COL22A1: variants seen among roughly 807,000 people sequenced by gnomAD.
The protein encoded by COL22A1 is collagen alpha-1(XXII) chain.
In COL22A1, 221 loss-of-function variants were observed where a neutral mutation model predicts 248.9. The ratio of observed to expected loss-of-function variants is 0.89; its 90% CI spans 0.80 to 0.99. The LOEUF is 0.99. Among genes scored for constraint, COL22A1 ranks in the 50% least tolerant of loss-of-function variants. The pLI, the probability that COL22A1 is intolerant of heterozygous loss-of-function variation, is 0.00. For missense variants in COL22A1, 2,240 were observed against 2,179.0 expected (o/e 1.03, Z -0.56); for synonymous variants, 891 against 793.4 (o/e 1.12, Z -2.07).
chr8:138,674,237 G>A (rs140010543), intron 41 of COL22A1, among the ~76,000 whole-genome samples: 2 of 152,084 alleles, frequency 1.3e-5, no homozygotes, highest in African/African-American at 4.8e-5. Flanking sequence ...ATGCTTTGAG[G>A]CCCAGCACAA....
chr8:138,792,518 C>T (rs576237282), intron 12 of COL22A1, among the ~76,000 whole-genome samples: 1 of 152,314 alleles, frequency 6.6e-6, no homozygotes. Context: ...TGCTTACATC[C>T]TTGGGCCCAG....
intron 7 of COL22A1, among the ~76,000 whole-genome samples, chr8:138,814,580 C>T (rs1376949337): frequency 6.6e-6 from 1 of 152,190 alleles, no homozygotes; most frequent in South Asian, 2.1e-4. Context: ...CTCCATTCCA[C>T]AGCTCACAAG....
intron 50 of COL22A1, among the ~76,000 whole-genome samples, chr8:138,627,598 A>C (rs893048413): frequency 6.6e-6 from 1 of 152,168 alleles, no homozygotes; most frequent in African/African-American, 2.4e-5. Context: ...AATCAATTCC[A>C]TTGGCAGAGA....
intron 30 of COL22A1, among the ~76,000 whole-genome samples, chr8:138,704,612 C>A (rs531912491): frequency 5.9e-5 from 9 of 152,302 alleles, no homozygotes; most frequent in African/African-American, 1.9e-4. Flanking sequence ...TCCACACCAA[C>A]CCCATCTGTA....
At chr8:138,826,462 T>A (rs754210623) in intron 6 of COL22A1, among the ~76,000 whole-genome samples, 196 bp downstream of exon 6, 3 of 152,156 alleles carry the variant, frequency 2.0e-5, no homozygotes, top group Non-Finnish European at 2.9e-5. Context: ...TACATTATCA[T>A]TAGGACAAGA....
chr8:138,592,485 T>C (rs66873922), intron 63 of COL22A1, among the ~76,000 whole-genome samples: 12,608 of 152,300 alleles, frequency 0.083, 576 homozygotes, highest in South Asian at 0.16. Context: ...TGCTTTCTTA[T>C]TGACATTTAT....
chr8:138,783,682 C>T (rs1392796586), intron 12 of COL22A1, among the ~76,000 whole-genome samples: 2 of 152,146 alleles, frequency 1.3e-5, no homozygotes, highest in African/African-American at 4.8e-5. Context: ...GGGTATTAAC[C>T]ATCACACACG....
At chr8:138,692,880 C>T (rs976171029) in intron 35 of COL22A1, among the ~76,000 whole-genome samples, 1 of 152,116 alleles carries the variant, frequency 6.6e-6, no homozygotes, top group Non-Finnish European at 1.5e-5. Flanking sequence ...CTTGGCAGAC[C>T]CAGTTCCAAC....
chr8:138,811,711 CT>C (rs1818243336), intron 9 of COL22A1, 87 bp downstream of exon 9: 4 of 1,526,018 alleles, frequency 2.6e-6, no homozygotes, highest in South Asian at 2.3e-5. Context: ...TGGTGCCCCC[CT>C]GACCTGAAAG....
chr8:138,800,142 C>T (rs368077841), intron 11 of COL22A1, among the ~76,000 whole-genome samples: 34 of 152,288 alleles, frequency 2.2e-4, no homozygotes, highest in African/African-American at 7.9e-4. Flanking sequence ...TCTCTTGGAA[C>T]GGTGCCCTGG....
At chr8:138,701,597 G>A (rs1827980096) in intron 31 of COL22A1, among the ~76,000 whole-genome samples, 1 of 152,156 alleles carries the variant, frequency 6.6e-6, no homozygotes, top group Non-Finnish European at 1.5e-5. Context: ...TATACAAATA[G>A]TAACAGCGAC....
Position 138,716,267 on chromosome 8 carries a change from G to GCC in COL22A1, c.2421_2422dup (p.Ala808GlyfsTer8). 6.3e-7 allele frequency: 1 copy of GCC among 1,592,816 alleles called. No individual in the cohort carries two copies. The highest frequency in any genetic ancestry group is 8.6e-7 in the Non-Finnish European group (1 of 1,167,960). ...TCCTCTCACACCTGGGAAGCCTGGA[G>GCC]CCCCTGGGAGGCCTGCTTCTCCCTG... On this transcript the variant is annotated frameshift_variant, in exon 29 of 65. Transcript: ENST00000303045. LOFTEE classifies it high-confidence loss of function.
intron 60 of COL22A1, among the ~76,000 whole-genome samples, chr8:138,601,742 G>T (rs1818032700): frequency 6.6e-6 from 1 of 152,148 alleles, no homozygotes. Flanking sequence ...TTGGCTCCTG[G>T]CAAATTGGCA....
chr8:138,634,468 T>C (rs898078790), intron 49 of COL22A1, among the ~76,000 whole-genome samples: 2 of 152,160 alleles, frequency 1.3e-5, no homozygotes, highest in Non-Finnish European at 2.9e-5. Flanking sequence ...CAGTGGACTC[T>C]GATCAGAGGA....
intron 7 of COL22A1, among the ~76,000 whole-genome samples, chr8:138,815,944 T>C (rs1818649782): frequency 6.6e-6 from 1 of 152,176 alleles, no homozygotes; most frequent in Admixed American, 6.5e-5. Flanking sequence ...CCTTGAAGTG[T>C]AGCCCCTCAC....
At chr8:138,670,491 G>T (rs947678226) in intron 41 of COL22A1, among the ~76,000 whole-genome samples, 6 of 152,114 alleles carry the variant, frequency 3.9e-5, no homozygotes, top group Non-Finnish European at 2.9e-5. Context: ...CAAGATGGGG[G>T]TACTCACACC....
intron 47 of COL22A1, among the ~76,000 whole-genome samples, chr8:138,637,861 T>C (rs1235097847): frequency 6.6e-6 from 1 of 150,470 alleles, no homozygotes; most frequent in Non-Finnish European, 1.5e-5. Context: ...CCATCATTAT[T>C]ATTCCATAAC....
rs117652037 is a variant in COL22A1 at position 138,654,218 on chromosome 8, G to C, written c.3333+1679C>G. On this transcript the variant is annotated intron_variant, in intron 45 of 64. Coordinates refer to ENST00000303045, the MANE Select transcript of COL22A1 (RefSeq NM_152888.3). ...GCTGATGAAAACCTAGCTCCTTCTA[G>C]AGTGAGGGAATTAAGAAAAAGAATC... Among the ~76,000 whole-genome samples the C allele has an allele frequency of 9.9e-3, 1,507 of 152,226 alleles. 7 individuals carry two copies. Among genetic ancestry groups the C allele is most frequent in the Middle Eastern group, 0.051 (15 of 294 alleles).
At chr8:138,811,015 CTT>C (rs1818164907) in intron 9 of COL22A1, among the ~76,000 whole-genome samples, 1 of 152,182 alleles carries the variant, frequency 6.6e-6, no homozygotes, top group Non-Finnish European at 1.5e-5. Flanking sequence ...TTCGCAGACA[CTT>C]TCCCCAGCAC....
Sources: allele counts gnomAD v4.1 joint callset (sites outside exome capture counted in the v4.1 genomes callset), GRCh38; gene constraint gnomAD v4.1.1; transcripts MANE v1.5; gene names NCBI Gene and HGNC (gene_info 2026-07-23, HGNC 2026-07-21).